The following SCN10A variants were observed in gnomAD, a reference collection of about 807,000 sequenced individuals.
SCN10A encodes sodium voltage-gated channel alpha subunit 10.
SCN10A carries 162 observed loss-of-function variants against 170.7 expected under a neutral mutation model. That is an observed-to-expected ratio of 0.95 (90% CI 0.84 to 1.08). SCN10A has a LOEUF of 1.08. Among genes scored for constraint, SCN10A ranks in the 50% least tolerant of loss-of-function variants. The probability of loss-of-function intolerance (pLI) is 0.00; values close to 1 mark genes in which losing one functional copy is unlikely to be tolerated. For synonymous variants in SCN10A, 985 were observed against 904.6 expected, an observed-to-expected ratio of 1.09 and a Z score of -1.59; for missense variants, 2,527 against 2,436.9, an observed-to-expected ratio of 1.04 and a Z score of -0.78.
intron 6 of SCN10A, among the ~76,000 whole-genome samples, chr3:38,763,006 G>A (rs931660750): frequency 6.6e-6 from 1 of 152,070 alleles, no homozygotes; most frequent in Non-Finnish European, 1.5e-5. Flanking sequence ...AATGAGCTTT[G>A]ATGGACTACT....
chr3:38,739,299 A>T (rs1284988729), intron 15 of SCN10A, among the ~76,000 whole-genome samples: 1 of 152,178 alleles, frequency 6.6e-6, no homozygotes, highest in East Asian at 1.9e-4. Context: ...CAGATAAGGG[A>T]GCCAAGGCCC....
intron 26 of SCN10A, among the ~76,000 whole-genome samples, chr3:38,706,417 G>A (rs916645957): frequency 1.3e-5 from 2 of 152,186 alleles, no homozygotes; most frequent in Non-Finnish European, 2.9e-5. Flanking sequence ...CACTAATGCT[G>A]CATCTTAGCC....
intron 1 of SCN10A, among the ~76,000 whole-genome samples, chr3:38,806,341 A>G (rs2064404347): frequency 6.6e-6 from 1 of 152,186 alleles, no homozygotes; most frequent in Non-Finnish European, 1.5e-5. Flanking sequence ...GGGATCAGAA[A>G]GAAGGAATAA....
At chr3:38,725,135 G>T (rs757582827) in intron 18 of SCN10A, 39 bp downstream of exon 18, 3 of 1,531,094 alleles carry the variant, frequency 2.0e-6, no homozygotes, top group Middle Eastern at 1.9e-4. Context: ...TCAGTGTCTG[G>T]CTGGCTGTCC....
intron 4 of SCN10A, among the ~76,000 whole-genome samples, chr3:38,784,904 A>G (rs777740480): frequency 6.6e-6 from 1 of 152,198 alleles, no homozygotes; most frequent in Non-Finnish European, 1.5e-5. Context: ...AGAATAAAAT[A>G]TCTAGAAATA....
intron 12 of SCN10A, among the ~76,000 whole-genome samples, chr3:38,750,828 G>A (rs1034245968): frequency 1.3e-5 from 2 of 152,192 alleles, no homozygotes; most frequent in African/African-American, 4.8e-5. Flanking sequence ...GATAATCTCA[G>A]GAACAGAGAA....
Position 38,793,913 on chromosome 3 carries a change from C to T in SCN10A, c.98G>A (p.Gly33Glu). The change falls in exon 2 of 28, where the codon GGA (glycine) becomes GAA (glutamate). Residue 33 changes from glycine to glutamate, a missense_variant. Coordinates refer to ENST00000449082, the MANE Select transcript of SCN10A (RefSeq NM_006514.4). ...ATGCTTCTCTCTGGCTTTCTTTGTT[C>T]CCTGCTTGGCAGCAATTTGCTTCTC... ...EIEKQIAAKQ[G>E]TKKAREKHRE... The T allele has an allele frequency of 6.2e-7, 1 of 1,614,102 alleles. No homozygotes were observed. Among genetic ancestry groups the T allele is most frequent in the African/African-American group, 1.3e-5 (1 of 75,048 alleles).
chr3:38,755,397 C>A (rs1379662085), intron 11 of SCN10A, among the ~76,000 whole-genome samples: 1 of 152,086 alleles, frequency 6.6e-6, no homozygotes, highest in Non-Finnish European at 1.5e-5. Flanking sequence ...TGTCCGCAGA[C>A]ACCTTAAGAT....
intron 14 of SCN10A, among the ~76,000 whole-genome samples, chr3:38,740,449 A>G (rs1156568073): frequency 6.6e-6 from 1 of 152,236 alleles, no homozygotes; most frequent in African/African-American, 2.4e-5. Context: ...CAGACAATGC[A>G]TCCTTCTTAT....
intron 21 of SCN10A, among the ~76,000 whole-genome samples, chr3:38,717,099 G>T (rs762554421): frequency 2.6e-5 from 4 of 152,120 alleles, no homozygotes. Flanking sequence ...AAGATAGAAA[G>T]ATATAAGGGT....
chr3:38,760,605 T>G, intron 8 of SCN10A, 76 bp downstream of exon 8: 1 of 1,140,864 alleles, frequency 8.8e-7, no homozygotes, highest in Admixed American at 1.7e-5. Flanking sequence ...ACCCCATCTG[T>G]GCCCATAATA....
At chr3:38,803,385 G>T (rs1486719538) in intron 1 of SCN10A, among the ~76,000 whole-genome samples, 1 of 152,036 alleles carries the variant, frequency 6.6e-6, no homozygotes, top group African/African-American at 2.4e-5. Flanking sequence ...CAATAGCAAA[G>T]ACTTGGAACC....
rs184521520 is a variant in SCN10A at position 38,701,982 on chromosome 3, G to T, written c.4514C>A (p.Thr1505Lys). The T allele has an allele frequency of 1.2e-6, 2 of 1,614,132 alleles. No homozygotes were observed. The highest frequency in any genetic ancestry group is 3.3e-5 in the Admixed American group (2 of 60,016). The change falls in exon 27 of 28, where the codon ACG becomes AAG. Residue 1505 changes from threonine (T) to lysine (K), a missense_variant. Physicochemically the swap from Thr to Lys is moderately conservative, Grantham distance 78. Transcript: ENST00000449082. ...VETDDQSEEK[T>K]KILGKINQFF... is the part of the protein sequence containing the mutation. ...CTGGTTGATTTTGCCCAGAATTTTCGTCTTTTCTTCACTTTGGTCATCAGT... is the reference window on the plus strand; with the variant it reads ...CTGGTTGATTTTGCCCAGAATTTTCTTCTTTTCTTCACTTTGGTCATCAGT...
intron 22 of SCN10A, among the ~76,000 whole-genome samples, chr3:38,713,117 T>A (rs2063294268): frequency 6.6e-6 from 1 of 152,168 alleles, no homozygotes; most frequent in South Asian, 2.1e-4. Context: ...ATCAGCAATC[T>A]CTAAGACAAG....
intron 1 of SCN10A, among the ~76,000 whole-genome samples, chr3:38,815,360 A>G (rs2064467919): frequency 6.6e-6 from 1 of 152,178 alleles, no homozygotes; most frequent in African/African-American, 2.4e-5. Flanking sequence ...AGAGCATTTG[A>G]AAAATACAGA....
chr3:38,724,211 TA>T (rs1202771915), intron 18 of SCN10A, among the ~76,000 whole-genome samples: 1 of 152,170 alleles, frequency 6.6e-6, no homozygotes, highest in Non-Finnish European at 1.5e-5. Flanking sequence ...CCCTCCCTCT[TA>T]TCTTACCCTG....
rs374422986 is a variant in SCN10A at position 38,697,637 on chromosome 3, G to C, written c.5583C>G (p.Ala1861=). Residue 1861 remains alanine, a synonymous_variant, in exon 28 of 28, where the codon GCC becomes GCG. Transcript: ENST00000449082. The part of the protein sequence containing the change: ...EDISATVIQK[A]YRSYVLHRSM... ...AGCGGTGCAGCACATAGCTCCGATAGGCCTTTTGAATGACAGTGGCTGAAA... is the reference window on the plus strand; with the variant it reads ...AGCGGTGCAGCACATAGCTCCGATACGCCTTTTGAATGACAGTGGCTGAAA... The C allele has an allele frequency of 6.2e-7, 1 of 1,614,222 alleles. No individual in the cohort carries two copies. Among genetic ancestry groups the C allele is most frequent in the Non-Finnish European group, 8.5e-7 (1 of 1,180,042 alleles).
At chr3:38,786,082 G>A (rs1165420307) in intron 4 of SCN10A, among the ~76,000 whole-genome samples, 9 of 152,068 alleles carry the variant, frequency 5.9e-5, no homozygotes, top group Non-Finnish European at 1.0e-4. Context: ...ATTCCTCAAG[G>A]ATCTAGAACC....
chr3:38,755,010 C>T (rs970871380), intron 11 of SCN10A, among the ~76,000 whole-genome samples: 11 of 151,656 alleles, frequency 7.3e-5, no homozygotes, highest in African/African-American at 1.5e-4. Flanking sequence ...GGAAGCGTGG[C>T]GAGGAAAGTT....
Sources: allele counts gnomAD v4.1 joint callset (sites outside exome capture counted in the v4.1 genomes callset), GRCh38; gene constraint gnomAD v4.1.1; transcripts MANE v1.5; gene names NCBI Gene and HGNC (gene_info 2026-07-23, HGNC 2026-07-21).